Variants in FAT1 observed in about 807,000 individuals in gnomAD.
The protein encoded by FAT1 is FAT atypical cadherin 1, also known as protocadherin Fat 1.
Under a neutral mutation model 329.8 loss-of-function variants are expected in FAT1, and 171 were observed. The observed-to-expected ratio is 0.52, with a 90% CI of 0.46 to 0.59. The LOEUF (loss-of-function observed/expected upper bound fraction) is 0.59, where lower values mean the gene tolerates loss of function less well. FAT1 is among the 20% of genes least tolerant of loss of function. FAT1 has a pLI of 0.00. For missense variants in FAT1, 5,672 were observed against 5,774.4 expected, an observed-to-expected ratio of 0.98 and a Z score of 0.57; for synonymous variants, 2,233 against 2,228.6, an observed-to-expected ratio of 1.00 and a Z score of -0.06.
intron 3 of FAT1, among the ~76,000 whole-genome samples, chr4:186,652,653 C>G (rs2126597803): frequency 6.6e-6 from 1 of 152,142 alleles, no homozygotes; most frequent in East Asian, 1.9e-4. Context: ...TAAATGAATT[C>G]CTGCCATTGA....
intron 1 of FAT1, among the ~76,000 whole-genome samples, chr4:186,711,419 A>C (rs1423520011): frequency 6.6e-6 from 1 of 152,168 alleles, no homozygotes; most frequent in Non-Finnish European, 1.5e-5. Context: ...TCCCAAAACT[A>C]TCTCTTTAAG....
intron 3 of FAT1, among the ~76,000 whole-genome samples, chr4:186,650,879 G>A (rs1444705372): frequency 6.6e-6 from 1 of 152,044 alleles, no homozygotes. Context: ...TCTGAGTTAG[G>A]TAAGCTACCA....
upstream of FAT1, among the ~76,000 whole-genome samples, chr4:186,724,795 G>A (rs918753451): frequency 2.0e-5 from 3 of 152,216 alleles, no homozygotes; most frequent in African/African-American, 7.2e-5. This position sits in a 1 kb window ranked among gnomAD's most constrained non-coding sequence, Gnocchi z 5.3. Context: ...ACAAGAGGGC[G>A]GACTTGATCT....
rs951826857 is a variant in FAT1 at position 186,595,819 on chromosome 4, C to T, written c.13008G>A (p.Val4336=). The change falls in exon 26 of 27, where the codon GTG becomes GTA. Residue 4336 remains valine (V), a synonymous_variant. Transcript: ENST00000441802. ...PSWDFDYDTK[V]VDLDPCLSKK... is the part of the protein sequence containing the mutation. ...TGGAAAGACAGGGATCAAGATCCAC[C>T]ACTTTTGCTAAAAGGAAGGATGACA... The T allele has an allele frequency of 3.7e-6, 6 of 1,613,748 alleles. No individual in the cohort carries two copies. The Admixed American group carries it at 5.0e-5, about 13-fold the overall frequency.
chr4:186,628,652 T>C lies in FAT1; in HGVS notation c.4435A>G (p.Ser1479Gly), dbSNP rs1488643723. Residue 1479 changes from serine (S) to glycine (G), a missense_variant, in exon 8 of 27, where the codon AGT (serine) becomes GGT (glycine). Around this residue, in one of 2 missense-constraint regions of FAT1, gnomAD observed 3,966 missense variants for 3,915.2 expected, o/e 1.01. Coordinates refer to ENST00000441802, the MANE Select transcript of FAT1 (RefSeq NM_005245.4). ...TAPETEILQI[S>G]AVDQDEKNKL... ...TTTTTCTCATCCTGATCCACAGCACTGATTTGCAAAATTTCTGTTTCTGGC... is the reference window on the plus strand; with the variant it reads ...TTTTTCTCATCCTGATCCACAGCACCGATTTGCAAAATTTCTGTTTCTGGC... The C allele has an allele frequency of 1.9e-6, 3 of 1,613,928 alleles. No homozygotes were observed. The highest frequency in any genetic ancestry group is 4.5e-5 in the East Asian group (2 of 44,880).
chr4:186,629,926 T>C (rs1210287552), intron 7 of FAT1, among the ~76,000 whole-genome samples: 1 of 152,224 alleles, frequency 6.6e-6, no homozygotes, highest in Non-Finnish European at 1.5e-5. Context: ...TTACCATAGA[T>C]TAGATTACAT....
intron 22 of FAT1, 24 bp from the exon 23 acceptor site, chr4:186,598,149 A>C: frequency 6.3e-7 from 1 of 1,584,638 alleles, no homozygotes; most frequent in African/African-American, 1.4e-5. Flanking sequence ...AAGGAACAAA[A>C]AAGTCCTATC....
At chr4:186,611,003 G>C (rs923142410) in intron 14 of FAT1, among the ~76,000 whole-genome samples, 8 of 151,892 alleles carry the variant, frequency 5.3e-5, no homozygotes, top group Non-Finnish European at 1.2e-4. Flanking sequence ...AAAAAGACTG[G>C]AATTACTATT....
intron 1 of FAT1, among the ~76,000 whole-genome samples, chr4:186,715,488 G>A (rs1044070843): frequency 1.8e-4 from 27 of 151,732 alleles, no homozygotes; most frequent in African/African-American, 6.3e-4. Context: ...ATTGTTAACC[G>A]TGCAGTAATG....
At chr4:186,713,957 G>C (rs1186005136) in intron 1 of FAT1, among the ~76,000 whole-genome samples, 1 of 152,164 alleles carries the variant, frequency 6.6e-6, no homozygotes, top group African/African-American at 2.4e-5. Flanking sequence ...GAACTGCTAG[G>C]ATTACAGGTG....
At chr4:186,658,827 C>T (rs540299382) in intron 3 of FAT1, among the ~76,000 whole-genome samples, 3 of 152,102 alleles carry the variant, frequency 2.0e-5, no homozygotes, top group Non-Finnish European at 4.4e-5. Context: ...CCACCGGACC[C>T]GTGAGGGCCC....
In FAT1 at chr4:186,633,724, G is replaced by T. The variant is rs1260434217; in HGVS notation, c.4283C>A (p.Thr1428Lys). 6.2e-7 allele frequency: 1 copy of T among 1,613,924 alleles called. No homozygotes were observed. The highest frequency in any genetic ancestry group is 8.5e-7 in the Non-Finnish European group (1 of 1,179,854). ...DAEQKSNYNL[T>K]VEATDGTTTI... Reference sequence around the variant, plus strand: ...GGTGGTTCCATCTGTAGCCTCGACTGTGAGGTTGTAGTTTGACTTCTGTTC... The same window carrying T: ...GGTGGTTCCATCTGTAGCCTCGACTTTGAGGTTGTAGTTTGACTTCTGTTC... Residue 1428 changes from threonine to lysine, a missense_variant, in exon 7 of 27, where the codon ACA becomes AAA. Around this residue, in one of 2 missense-constraint regions of FAT1, gnomAD observed 3,966 missense variants for 3,915.2 expected, o/e 1.01. Coordinates refer to ENST00000441802, the MANE Select transcript of FAT1 (RefSeq NM_005245.4).
Position 186,604,359 on chromosome 4 carries a change from A to G in FAT1, c.10548+18T>C. On this transcript the variant is annotated intron_variant, in intron 18 of 26. Coordinates refer to ENST00000441802, the MANE Select transcript of FAT1 (RefSeq NM_005245.4). ...CTCTATGAATCCACAACCAAACCAC[A>G]AAGAAAGCCATTCATACCTTCACCT... is the stretch of plus-strand genomic sequence containing the variant. The G allele has an allele frequency of 6.2e-7, 1 of 1,601,654 alleles. No homozygotes were observed. Among genetic ancestry groups the G allele is most frequent in the Non-Finnish European group, 8.5e-7 (1 of 1,173,244 alleles).
rs562961045 is a variant in FAT1 at position 186,702,258 on chromosome 4, A to G, written c.3265+4305T>C. 2.6e-5 allele frequency among the ~76,000 whole-genome samples: 4 copies of G among 152,356 alleles called. No individual in the cohort carries two copies. The South Asian group carries it at 8.3e-4, about 32-fold the overall frequency. On this transcript the variant is annotated intron_variant, in intron 2 of 26. Coordinates refer to ENST00000441802, the MANE Select transcript of FAT1 (RefSeq NM_005245.4). ...GTTGTGACAACGGCTGTACTTCCAT[A>G]TTAATTCATTCCCAGTCTTTTCATC...
chr4:186,706,088 G>A (rs1303096632), intron 2 of FAT1, among the ~76,000 whole-genome samples: 2 of 152,178 alleles, frequency 1.3e-5, no homozygotes, highest in Non-Finnish European at 2.9e-5. Context: ...CATTAGAGAA[G>A]TTTTGGCACA....
intron 3 of FAT1, among the ~76,000 whole-genome samples, chr4:186,642,839 G>A (rs899421498): frequency 1.1e-4 from 16 of 152,332 alleles, no homozygotes; most frequent in African/African-American, 3.6e-4. Flanking sequence ...ATAGCGGGCC[G>A]ATCTTCAACC....
intron 3 of FAT1, among the ~76,000 whole-genome samples, chr4:186,645,373 A>G (rs1224119211): frequency 2.1e-4 from 1 of 4,730 alleles, no homozygotes; most frequent in Non-Finnish European, 3.9e-4. Flanking sequence ...TTACATATAT[A>G]TATATATATA....
At chr4:186,686,783 T>G (rs917109616) in intron 2 of FAT1, among the ~76,000 whole-genome samples, 3 of 152,228 alleles carry the variant, frequency 2.0e-5, no homozygotes, top group Non-Finnish European at 4.4e-5. Flanking sequence ...TCTATCTGTT[T>G]GGATCCAATC....
rs142447884 is a variant in FAT1 at position 186,636,445 on chromosome 4, C to T, written c.3972+140G>A. The T allele has an allele frequency of 5.1e-4, 484 of 954,454 alleles. 6 individuals carry two copies. In the East Asian group the frequency reaches 0.011, roughly 22 times the overall value. The allele number at this position is 954,454 out of a possible 1,614,324, so 59.1% of individuals were successfully genotyped here. A position where few individuals can be genotyped will look rare whatever the true frequency, so the allele number is the denominator to read the frequency against. On this transcript the variant is annotated intron_variant, in intron 5 of 26. Transcript: ENST00000441802. ...AGCACCCTGATTCTCAAACGTTATC[C>T]GGCATTGCCTAATGGGGCCAGCAGG...
Sources: gnomAD v4.1 joint callset for allele counts (sites outside exome capture counted in the v4.1 genomes callset) on GRCh38, gnomAD v4.1.1 for gene constraint, gnomAD v4.1.1 regional missense constraint, Gnocchi (gnomAD v3.1) non-coding constraint, MANE v1.5 for transcripts, NCBI Gene and HGNC (gene_info 2026-07-23, HGNC 2026-07-21) for gene names.